Variants in MED1 observed in about 807,000 individuals in gnomAD.
The protein encoded by MED1 is mediator complex subunit 1, also known as mediator of RNA polymerase II transcription subunit 1.
A neutral mutation model predicts 121.3 loss-of-function variants in MED1; 17 were observed. That is an observed-to-expected ratio of 0.14 (90% confidence interval 0.10 to 0.21). The LOEUF (loss-of-function observed/expected upper bound fraction) is 0.21. Among genes scored for constraint, MED1 ranks in the 10% least tolerant of loss-of-function variants. The probability of loss-of-function intolerance (pLI) is 1.00; values close to 1 mark genes in which losing one functional copy is unlikely to be tolerated. For missense variants in MED1, 1,558 were observed against 1,919.4 expected, an observed-to-expected ratio of 0.81 and a Z score of 3.52; for synonymous variants, 661 against 694.4, an observed-to-expected ratio of 0.95 and a Z score of 0.76.
Position 39,408,777 on chromosome 17 carries a change from C to T in MED1, c.3444G>A (p.Gln1148=). The change falls in exon 17 of 17, where the codon CAG becomes CAA. Residue 1148 remains glutamine, a synonymous_variant. Coordinates refer to ENST00000300651, the MANE Select transcript of MED1 (RefSeq NM_004774.4). This position sits in a 1 kb window ranked among gnomAD's most constrained non-coding sequence, Gnocchi z 4.7. The part of the protein sequence containing the change: ...SGSSQSKNSS[Q]SGGKPGSSPI... ...GAGAGGAGCCTGGCTTCCCCCCAGA[C>T]TGGGATGAATTTTTGGACTGGCTAG... 1 of 1,614,116 alleles carries T rather than the reference C, an allele frequency of 6.2e-7. No homozygotes were observed. The highest frequency in any genetic ancestry group is 8.5e-7 in the Non-Finnish European group (1 of 1,179,996).
intron 14 of MED1, among the ~76,000 whole-genome samples, chr17:39,415,570 A>G (rs2048400728): frequency 6.6e-6 from 1 of 152,034 alleles, no homozygotes; most frequent in Non-Finnish European, 1.5e-5. Flanking sequence ...CAGAACTTTG[A>G]GAGGCTGAGG....
chr17:39,425,270 A>G (rs2048504622), intron 10 of MED1, among the ~76,000 whole-genome samples: 2 of 152,010 alleles, frequency 1.3e-5, no homozygotes, highest in African/African-American at 4.8e-5. Flanking sequence ...GACTCACTGC[A>G]ATCTCCACCT....
chr17:39,418,532 C>CAA (rs879599103), intron 14 of MED1, among the ~76,000 whole-genome samples: 4 of 131,000 alleles, frequency 3.1e-5, no homozygotes, highest in African/African-American at 1.1e-4. Flanking sequence ...GACCCTGTCT[C>CAA]AAAAAAAAAA....
At chr17:39,433,390 A>AT (rs1344706550) in intron 7 of MED1, among the ~76,000 whole-genome samples, 16 of 151,536 alleles carry the variant, frequency 1.1e-4, no homozygotes, top group African/African-American at 3.9e-4. Flanking sequence ...AAAAAAAAAA[A>AT]ACATTTTAAA....
intron 11 of MED1, 52 bp downstream of exon 11, chr17:39,424,575 C>T: frequency 2.5e-6 from 3 of 1,219,706 alleles, no homozygotes; most frequent in Admixed American, 2.0e-5. Flanking sequence ...TTGTTACATA[C>T]TGCGCTTTGA....
intron 7 of MED1, among the ~76,000 whole-genome samples, chr17:39,433,546 T>TATATATATATATATATATAC (rs540103395): frequency 1.3e-5 from 2 of 150,526 alleles, no homozygotes; most frequent in African/African-American, 4.9e-5. Context: ...TATATATATA[T>TATATATATATATATATATAC]ACACACATAT....
intron 2 of MED1, among the ~76,000 whole-genome samples, chr17:39,447,236 T>C (rs1332790661): frequency 3.3e-5 from 5 of 151,228 alleles, no homozygotes; most frequent in African/African-American, 1.2e-4. Flanking sequence ...ACAAATAATA[T>C]AAAAATTAGC....
intron 10 of MED1, chr17:39,427,481 A>G (rs2048525147): frequency 3.3e-6 from 1 of 302,082 alleles, no homozygotes; most frequent in Non-Finnish European, 6.1e-6. Context: ...TGCCCAGCCC[A>G]AAAGTACTTA....
Position 39,447,828 on chromosome 17 carries a change from A to C in MED1, c.102T>G (p.Ser34Arg). The change falls in exon 2 of 17, where the codon AGT becomes AGG. Residue 34 changes from serine to arginine, a missense_variant. This residue lies in a region of MED1 where 443 missense variants were observed against 532.4 expected (regional missense o/e 0.83). Coordinates refer to ENST00000300651, the MANE Select transcript of MED1 (RefSeq NM_004774.4). Reference protein sequence around the residue: ...HAKFNQNRPWSETIKLVRQVM... With the variant: ...HAKFNQNRPWRETIKLVRQVM... ...CTTGACGCACAAGCTTAATGGTTTC[A>C]CTCCAGGGTCTATTTTGGTTAAATT... 6.2e-7 allele frequency: 1 copy of C among 1,613,562 alleles called. No homozygotes were observed. Among genetic ancestry groups the C allele is most frequent in the South Asian group, 1.1e-5 (1 of 91,042 alleles).
In MED1 at chr17:39,451,027, C is replaced by A; in HGVS notation, c.25+11G>T. ...GTGTCCCGCCCCCTCCTTTCCCCTA[C>A]AGTCACTTACCCTCGGTTTCCCCCT... is the stretch of plus-strand genomic sequence containing the variant. On this transcript the variant is annotated intron_variant, in intron 1 of 16. Transcript: ENST00000300651. 6.2e-7 allele frequency: 1 copy of A among 1,609,760 alleles called. No individual in the cohort carries two copies. The highest frequency in any genetic ancestry group is 8.5e-7 in the Non-Finnish European group (1 of 1,177,848).
chr17:39,437,760 C>A (rs1440098879), intron 6 of MED1, among the ~76,000 whole-genome samples: 2 of 151,886 alleles, frequency 1.3e-5, no homozygotes, highest in Non-Finnish European at 2.9e-5. Context: ...CACGGTGAAA[C>A]CCCGTCTCTA....
intron 6 of MED1, among the ~76,000 whole-genome samples, chr17:39,438,148 G>A (rs1396741169): frequency 6.6e-6 from 1 of 151,242 alleles, no homozygotes; most frequent in Non-Finnish European, 1.5e-5. Flanking sequence ...GATCAGCCTG[G>A]CCCACATGGC....
chr17:39,415,230 C>G lies in MED1; in HGVS notation c.1393+14G>C. On this transcript the variant is annotated intron_variant, in intron 15 of 16. Transcript: ENST00000300651. ...ACCGCTCCATGAGAGGTGTTAGCCACCCACACAACTCACCACACACCAGGG... is the reference window on the plus strand; with the variant it reads ...ACCGCTCCATGAGAGGTGTTAGCCAGCCACACAACTCACCACACACCAGGG... 1.2e-6 allele frequency: 2 copies of G among 1,611,502 alleles called. No homozygotes were observed. The highest frequency in any genetic ancestry group is 1.7e-6 in the Non-Finnish European group (2 of 1,177,616).
chr17:39,446,894 C>T (rs544089020), intron 2 of MED1, among the ~76,000 whole-genome samples: 2 of 152,138 alleles, frequency 1.3e-5, no homozygotes, highest in East Asian at 1.9e-4. Context: ...GAGCCATGAT[C>T]GCGCCACTGC....
Position 39,409,054 on chromosome 17 carries a change from G to T in MED1, c.3167C>A (p.Ala1056Asp). The change falls in exon 17 of 17, where the codon GCC becomes GAC. Residue 1056 changes from alanine to aspartate, a missense_variant. This residue lies in a region of MED1 where 793 missense variants were observed against 898.2 expected (regional missense o/e 0.88). Coordinates refer to ENST00000300651, the MANE Select transcript of MED1 (RefSeq NM_004774.4). ...AGRSQTPPGVATPPIPKITIQ... is the reference protein window; with the variant it reads ...AGRSQTPPGVDTPPIPKITIQ... ...AGTGATTTTGGGAATGGGTGGTGTGGCAACACCTGGGGGAGTCTGAGATCT... is the reference window on the plus strand; with the variant it reads ...AGTGATTTTGGGAATGGGTGGTGTGTCAACACCTGGGGGAGTCTGAGATCT... 2 of 1,614,116 alleles carry T rather than the reference G, an allele frequency of 1.2e-6. No homozygotes were observed. The highest frequency in any genetic ancestry group is 1.7e-6 in the Non-Finnish European group (2 of 1,180,028).
rs2144738933 is a variant in MED1, at chr17:39,423,802, T to C, written c.871A>G (p.Ile291Val). 2.5e-6 allele frequency: 4 copies of C among 1,612,586 alleles called. No homozygotes were observed. The highest frequency in any genetic ancestry group is 2.5e-6 in the Non-Finnish European group (3 of 1,179,650). The change falls in exon 12 of 17, where the codon ATC becomes GTC. Residue 291 changes from isoleucine to valine, a missense_variant. Transcript: ENST00000300651. The part of the protein sequence containing the change: ...DNKWTPSFSS[I>V]TSANSVDLPA... ...AGATCAACACTGTTGGCACTGGTGA[T>C]TGAGGAGAAGGAAGGGGTCCTTCAA...
Position 39,408,922 on chromosome 17 carries a change from T to A in MED1, c.3299A>T (p.His1100Leu), listed in dbSNP as rs1252690619. 1.2e-6 allele frequency: 2 copies of A among 1,614,040 alleles called. No homozygotes were observed. Among genetic ancestry groups the A allele is most frequent in the Non-Finnish European group, 1.7e-6 (2 of 1,180,048 alleles). The part of the protein sequence containing the change: ...SSSGSKSHHS[H>L]SSSSSSSAST... ...AGCAGATGAGGAAGAGGAGGAAGAA[T>A]GGCTATGGTGGCTTTTGCTGCCTGA... Residue 1100 changes from histidine (H) to leucine (L), a missense_variant, in exon 17 of 17, where the codon CAT becomes CTT. His to Leu is a moderately conservative substitution (Grantham distance 99). This residue lies in a region of MED1 where 793 missense variants were observed against 898.2 expected (regional missense o/e 0.88). Coordinates refer to ENST00000300651, the MANE Select transcript of MED1 (RefSeq NM_004774.4). The surrounding 1 kb of genome is among the most constrained non-coding windows in gnomAD (Gnocchi z 4.7).
At chr17:39,446,442 T>C (rs1597876369) in intron 2 of MED1, among the ~76,000 whole-genome samples, 14 of 57,928 alleles carry the variant, frequency 2.4e-4, no homozygotes, top group East Asian at 1.2e-3. Flanking sequence ...AAAGCGACAC[T>C]CCATCTCAAA....
intron 10 of MED1, among the ~76,000 whole-genome samples, chr17:39,425,339 C>A (rs1356120757): frequency 2.6e-5 from 4 of 152,130 alleles, no homozygotes; most frequent in African/African-American, 9.7e-5. Flanking sequence ...TACAGGAATG[C>A]ACCACCATGC....
Sources: gnomAD v4.1 joint callset for allele counts (sites outside exome capture counted in the v4.1 genomes callset) on GRCh38, gnomAD v4.1.1 for gene constraint, gnomAD v4.1.1 regional missense constraint, Gnocchi (gnomAD v3.1) non-coding constraint, MANE v1.5 for transcripts, NCBI Gene and HGNC (gene_info 2026-07-23, HGNC 2026-07-21) for gene names.